The following GUCY1B1 variants were observed in gnomAD, a reference collection of about 807,000 sequenced individuals.
GUCY1B1 encodes guanylate cyclase soluble subunit beta-1.
A neutral mutation model predicts 71.0 loss-of-function variants in GUCY1B1; 43 were observed. That is an observed-to-expected ratio of 0.61 (90% CI 0.47 to 0.78). The LOEUF (loss-of-function observed/expected upper bound fraction) is 0.78, where lower values mean the gene tolerates loss of function less well. Among genes scored for constraint, GUCY1B1 ranks in the 30% least tolerant of loss-of-function variants. The probability of loss-of-function intolerance (pLI) is 0.00; values close to 1 mark genes in which losing one functional copy is unlikely to be tolerated. For synonymous variants in GUCY1B1, 266 were observed against 259.7 expected (o/e 1.02, Z -0.23); for missense variants, 535 against 754.1 (o/e 0.71, Z 3.40).
intron 2 of GUCY1B1, among the ~76,000 whole-genome samples, chr4:155,770,935 A>G (rs553115806): frequency 2.0e-5 from 3 of 152,178 alleles, no homozygotes; most frequent in Non-Finnish European, 4.4e-5. Flanking sequence ...TCATTTTGTT[A>G]TATATCATGT....
chr4:155,776,284 A>G (rs1475699269), intron 3 of GUCY1B1, among the ~76,000 whole-genome samples: 1 of 152,206 alleles, frequency 6.6e-6, no homozygotes, highest in Admixed American at 6.5e-5. Context: ...ATTAAGATTT[A>G]TGTATGTGTT....
rs577502589 is a variant in GUCY1B1 at position 155,805,096 on chromosome 4, C to A, written c.1710-7C>A. The A allele has an allele frequency of 1.5e-5, 24 of 1,610,084 alleles. No individual in the cohort carries two copies. The South Asian group carries it at 2.2e-4, about 15-fold the overall frequency. ...TCTCTCTCTACTCCCCTTCCCTTGT[C>A]TTTTAGATGTCTTATGTCTCCAGAA... On this transcript the variant is annotated splice_polypyrimidine_tract_variant and splice_region_variant and intron_variant, in intron 12 of 13. Coordinates refer to ENST00000264424, the MANE Select transcript of GUCY1B1 (RefSeq NM_000857.5).
chr4:155,804,019 T>A (rs1005029526), intron 11 of GUCY1B1, among the ~76,000 whole-genome samples: 3 of 152,182 alleles, frequency 2.0e-5, no homozygotes, highest in Non-Finnish European at 2.9e-5. Flanking sequence ...TACCTTCTAG[T>A]TTATTTTTTA....
intron 1 of GUCY1B1, 91 bp from the exon 2 acceptor site, chr4:155,759,696 C>A (rs1027135620): frequency 1.1e-6 from 1 of 872,386 alleles, no homozygotes; most frequent in Non-Finnish European, 1.9e-6. Context: ...GTTAAGCCAG[C>A]GCCATGGGAG....
chr4:155,796,532 A>C (rs748460677), intron 8 of GUCY1B1, 22 bp downstream of exon 8: 1 of 1,548,094 alleles, frequency 6.5e-7, no homozygotes. Flanking sequence ...TAGATTAATT[A>C]TAGTGGCTAT....
intron 10 of GUCY1B1, 137 bp from the exon 11 acceptor site, chr4:155,803,487 A>C: frequency 4.1e-6 from 2 of 487,454 alleles, no homozygotes; most frequent in Non-Finnish European, 6.9e-6. Context: ...TGAATATATT[A>C]GAATTTTAAG....
intron 2 of GUCY1B1, among the ~76,000 whole-genome samples, chr4:155,766,114 A>T (rs1299587905): frequency 6.6e-6 from 1 of 152,168 alleles, no homozygotes; most frequent in Admixed American, 6.6e-5. Flanking sequence ...TAATAAAAAT[A>T]TGGATGTTTA....
At chr4:155,775,136 A>G in intron 3 of GUCY1B1, 68 bp downstream of exon 3, 2 of 837,124 alleles carry the variant, frequency 2.4e-6, no homozygotes, top group Admixed American at 1.7e-5. Context: ...GCATGGTTCA[A>G]GATCACAACG....
intron 2 of GUCY1B1, among the ~76,000 whole-genome samples, chr4:155,760,930 A>C (rs1736959148): frequency 6.6e-6 from 1 of 152,202 alleles, no homozygotes; most frequent in Non-Finnish European, 1.5e-5. Context: ...TTAGCAATCA[A>C]TTCTAACAGG....
intron 2 of GUCY1B1, among the ~76,000 whole-genome samples, chr4:155,760,349 G>A (rs17033475): frequency 0.017 from 2,577 of 152,260 alleles, 91 homozygotes; most frequent in African/African-American, 0.058. Flanking sequence ...GAGCAACAGT[G>A]AATTAAGCGC....
chr4:155,803,703 A>T lies in GUCY1B1; in HGVS notation c.1493A>T (p.His498Leu). The change falls in exon 11 of 14, where the codon CAC becomes CTC. Residue 498 changes from histidine to leucine, a missense_variant. Physicochemically the swap from His to Leu is moderately conservative, Grantham distance 99 (BLOSUM62 -3). Transcript: ENST00000264424. Reference protein sequence around the residue: ...PCIHHARSICHLALDMMEIAG... With the variant: ...PCIHHARSICLLALDMMEIAG... ...ATTCACCATGCACGATCCATCTGCC[A>T]CCTGGCCTTGGACATGATGGAAATT... is the stretch of plus-strand genomic sequence containing the variant. 6.2e-7 allele frequency: 1 copy of T among 1,603,662 alleles called. No individual in the cohort carries two copies. The highest frequency in any genetic ancestry group is 2.2e-5 in the East Asian group (1 of 44,522).
At chr4:155,798,008 G>A (rs952758271) in intron 8 of GUCY1B1, among the ~76,000 whole-genome samples, 4 of 152,078 alleles carry the variant, frequency 2.6e-5, no homozygotes, top group South Asian at 2.1e-4. Context: ...TTCACAGGTT[G>A]AGCTTAGGAG....
At chr4:155,788,805 C>T (rs1738966474) in intron 4 of GUCY1B1, among the ~76,000 whole-genome samples, 2 of 152,178 alleles carry the variant, frequency 1.3e-5, no homozygotes, top group Non-Finnish European at 2.9e-5. Flanking sequence ...TCATATTGCT[C>T]TTAATTCCTA....
At chr4:155,785,288 G>A in intron 4 of GUCY1B1, 1 of 1,467,452 alleles carries the variant, frequency 6.8e-7, no homozygotes, top group Non-Finnish European at 9.2e-7. Flanking sequence ...GCATATTTCA[G>A]ATTTACATCA....
At chr4:155,770,120 T>G (rs1441145968) in intron 2 of GUCY1B1, among the ~76,000 whole-genome samples, 1 of 152,168 alleles carries the variant, frequency 6.6e-6, no homozygotes, top group Non-Finnish European at 1.5e-5. Context: ...AAGTGGGAGA[T>G]GCAGAATTAT....
Position 155,796,451 on chromosome 4 carries a change from C to G in GUCY1B1, c.918C>G (p.Leu306=). The stretch of plus-strand genomic sequence containing the variant: ...GGACTGAGATCAGCTGCTTACGTCT[C>G]AAGGGTCAAATGATCTACTTACCTG... ...LTGTEISCLR[L]KGQMIYLPEA... is the part of the protein sequence containing the mutation. The change falls in exon 8 of 14, where the codon CTC becomes CTG. Residue 306 remains leucine, a synonymous_variant. Transcript: ENST00000264424. 1.2e-6 allele frequency: 2 copies of G among 1,611,570 alleles called. No homozygotes were observed. Among genetic ancestry groups the G allele is most frequent in the Non-Finnish European group, 1.7e-6 (2 of 1,177,738 alleles).
rs74561981 is a variant in GUCY1B1, at chr4:155,779,531, G to C, written c.297+1889G>C. On this transcript the variant is annotated intron_variant, in intron 4 of 13. Transcript: ENST00000264424. ...TTTTATTTTATTTCTCTTTCAACGT[G>C]AGAGTGAAAAATGAAGAAACTAGAA... Among the ~76,000 whole-genome samples the C allele has an allele frequency of 1.2e-4, 18 of 152,222 alleles. No individual in the cohort carries two copies. The East Asian group carries it at 3.5e-3, about 29-fold the overall frequency.
At chr4:155,778,054 G>A (rs555770877) in intron 4 of GUCY1B1, among the ~76,000 whole-genome samples, 1 of 152,110 alleles carries the variant, frequency 6.6e-6, no homozygotes, top group Non-Finnish European at 1.5e-5. Flanking sequence ...CAATGTATCA[G>A]TATTTATGAA....
chr4:155,798,887 G>C (rs1393447363), intron 8 of GUCY1B1, among the ~76,000 whole-genome samples: 2 of 152,124 alleles, frequency 1.3e-5, no homozygotes, highest in South Asian at 4.1e-4. Flanking sequence ...ACCCAGACTG[G>C]AATGCAGTGG....
Sources: gnomAD v4.1 joint callset for allele counts (sites outside exome capture counted in the v4.1 genomes callset) on GRCh38, gnomAD v4.1.1 for gene constraint, MANE v1.5 for transcripts, NCBI Gene and HGNC (gene_info 2026-07-23, HGNC 2026-07-21) for gene names.